The following KIN variants were observed in gnomAD, a reference collection of about 807,000 sequenced individuals.
The protein encoded by KIN is DNA/RNA-binding protein KIN17.
KIN carries 47 observed loss-of-function variants against 63.0 expected under a neutral mutation model. The observed-to-expected ratio is 0.75, with a 90% CI of 0.59 to 0.95. The LOEUF (loss-of-function observed/expected upper bound fraction) is 0.95. Among genes scored for constraint, KIN ranks in the 40% least tolerant of loss-of-function variants. The pLI is 0.00. For missense variants in KIN, 408 were observed against 460.9 expected, an observed-to-expected ratio of 0.89 and a Z score of 1.05; for synonymous variants, 160 against 157.7, an observed-to-expected ratio of 1.01 and a Z score of -0.11.
intron 1 of KIN, among the ~76,000 whole-genome samples, chr10:7,786,428 A>C (rs1564327240): frequency 2.6e-5 from 4 of 152,156 alleles, no homozygotes; most frequent in African/African-American, 9.7e-5. Flanking sequence ...AAATTACTTA[A>C]AGTGTTAAGT....
intron 12 of KIN, among the ~76,000 whole-genome samples, chr10:7,757,670 C>T (rs186523158): frequency 1.1e-3 from 161 of 152,138 alleles, no homozygotes; most frequent in African/African-American, 3.7e-3. Context: ...TACTGCTTCC[C>T]TTCACAACAA....
At position 7,765,875 on chromosome 10, in the gene KIN, T is replaced by C. The variant is rs370638656; in HGVS notation, c.849+178A>G. ...CTATAAGCATGAAGTAACTCTCCAA[T>C]AGAGGTGCAACCAATAATTAATGAT... On this transcript the variant is annotated intron_variant, in intron 9 of 12. Transcript: ENST00000379562. 2.8e-4 allele frequency among the ~76,000 whole-genome samples: 42 copies of C among 152,328 alleles called. 1 individual carries two copies. Among genetic ancestry groups the C allele is most frequent in the East Asian group, 1.9e-3 (10 of 5,192 alleles).
chr10:7,781,763 A>G (rs1835901380), intron 2 of KIN, among the ~76,000 whole-genome samples: 1 of 151,216 alleles, frequency 6.6e-6, no homozygotes, highest in Non-Finnish European at 1.5e-5. Flanking sequence ...AAAAAAAAAA[A>G]AAAAAAAAAA....
At chr10:7,775,594 A>G (rs58508844) in intron 6 of KIN, among the ~76,000 whole-genome samples, 157 bp downstream of exon 6, 287 of 152,294 alleles carry the variant, frequency 1.9e-3, no homozygotes, top group African/African-American at 6.7e-3. Context: ...TATCCAATCA[A>G]TTCATTAGTA....
At chr10:7,768,616 A>G (rs1835601615) in intron 8 of KIN, among the ~76,000 whole-genome samples, 1 of 152,156 alleles carries the variant, frequency 6.6e-6, no homozygotes, top group Non-Finnish European at 1.5e-5. Flanking sequence ...ACAGGAGAGT[A>G]GCAGTTGAAG....
intron 6 of KIN, 139 bp downstream of exon 6, chr10:7,775,612 T>C (rs1384157236): frequency 2.1e-6 from 1 of 475,378 alleles, no homozygotes; most frequent in Non-Finnish European, 3.7e-6. Flanking sequence ...GTATTACCTT[T>C]TCATTAAATT....
At position 7,754,633 on chromosome 10, in the gene KIN, GAAAAAAA is replaced by G. The variant is rs56204215; in HGVS notation, c.*1440_*1446del. The G allele has an allele frequency of 5.7e-5, 7 of 123,684 alleles. No individual in the cohort carries two copies. The highest frequency in any genetic ancestry group is 2.5e-4 in the South Asian group (1 of 3,954). The allele number at this position is 123,684 out of a possible 1,614,324, so 7.7% of individuals were successfully genotyped here. ...GGTGACAGAGTGAGACTCTGTGTCA[GAAAAAAA>G]AAAAAAAAGAAAAAGAAAAGATAGA... On this transcript the variant is annotated 3_prime_UTR_variant, in exon 13 of 13. Coordinates refer to ENST00000379562, the MANE Select transcript of KIN (RefSeq NM_012311.4).
chr10:7,760,380 CAT>C (rs112037520), intron 11 of KIN, among the ~76,000 whole-genome samples: 8,609 of 152,188 alleles, frequency 0.057, 823 homozygotes, highest in African/African-American at 0.2. Flanking sequence ...TTATACCTAA[CAT>C]GTGACTGAGC....
At position 7,762,467 on chromosome 10, in the gene KIN, A is replaced by G; in HGVS notation, c.1008T>C (p.Ile336=). ...KLDQTHLETV[I]PAPGKRILVL... Reference sequence around the variant, plus strand: ...TGCAAACAGATTTACCTGGTGCTGGAATTACTGTCTCTAAATGAGTCTGGT... The same window carrying G: ...TGCAAACAGATTTACCTGGTGCTGGGATTACTGTCTCTAAATGAGTCTGGT... The change falls in exon 11 of 13, where the codon ATT becomes ATC. Residue 336 remains isoleucine (I), a synonymous_variant. Coordinates refer to ENST00000379562, the MANE Select transcript of KIN (RefSeq NM_012311.4). 2 of 1,600,624 alleles carry G rather than the reference A, an allele frequency of 1.2e-6. No individual in the cohort carries two copies. The highest frequency in any genetic ancestry group is 2.2e-5 in the South Asian group (2 of 89,872).
rs1835271162 is a variant in KIN, at chr10:7,753,276, A to G, written c.*2804T>C. The G allele has an allele frequency of 6.6e-6, 1 of 152,226 alleles. No homozygotes were observed. The highest frequency in any genetic ancestry group is 2.4e-5 in the African/African-American group (1 of 41,476). 9.4% of individuals were successfully genotyped at this position (152,226 alleles called of 1,614,324 possible). On this transcript the variant is annotated 3_prime_UTR_variant, in exon 13 of 13. Transcript: ENST00000379562. ...ATGCTGCCTCATTTCATTCTGAAAT[A>G]ATTTCAGAAAGACGTTGGAGAATTA...
intron 1 of KIN, among the ~76,000 whole-genome samples, chr10:7,784,814 C>A (rs549343347): frequency 1.3e-5 from 2 of 152,040 alleles, no homozygotes; most frequent in Non-Finnish European, 2.9e-5. Context: ...AGTATTACCC[C>A]AATACTCACT....
At chr10:7,777,893 C>T (rs549205003) in intron 5 of KIN, among the ~76,000 whole-genome samples, 2 of 139,084 alleles carry the variant, frequency 1.4e-5, no homozygotes, top group African/African-American at 5.9e-5. Context: ...AGTGAGACTC[C>T]GTCCCCCCCC....
chr10:7,787,643 G>A (rs957233811), intron 1 of KIN, among the ~76,000 whole-genome samples, 177 bp downstream of exon 1: 2 of 152,238 alleles, frequency 1.3e-5, no homozygotes, highest in African/African-American at 4.8e-5. Flanking sequence ...CCCGGGGGCT[G>A]CGGGGAGGGA....
At chr10:7,771,204 T>C (rs1835660313) in intron 7 of KIN, among the ~76,000 whole-genome samples, 1 of 152,194 alleles carries the variant, frequency 6.6e-6, no homozygotes, top group African/African-American at 2.4e-5. Flanking sequence ...TACTTTGAAC[T>C]AGGGATCCAG....
chr10:7,770,904 T>C (rs936582119), intron 7 of KIN, among the ~76,000 whole-genome samples: 1 of 152,226 alleles, frequency 6.6e-6, no homozygotes. Flanking sequence ...AAACCCCTAC[T>C]TCTTTTCTCT....
At chr10:7,758,967 A>T (rs1299874766) in intron 12 of KIN, among the ~76,000 whole-genome samples, 1 of 152,134 alleles carries the variant, frequency 6.6e-6, no homozygotes, top group Non-Finnish European at 1.5e-5. Context: ...TGATTTACTG[A>T]AATGAGAATT....
rs1835246823 is a variant in KIN, at chr10:7,751,766, C to G, written c.*4314G>C. The G allele has an allele frequency of 6.6e-6, 1 of 152,104 alleles. No homozygotes were observed. The highest frequency in any genetic ancestry group is 1.5e-5 in the Non-Finnish European group (1 of 68,030). The allele number at this position is 152,104 out of a possible 1,614,324, so 9.4% of individuals were successfully genotyped here. A position where few individuals can be genotyped will look rare whatever the true frequency, so the allele number is the denominator to read the frequency against. On this transcript the variant is annotated 3_prime_UTR_variant, in exon 13 of 13. Coordinates refer to ENST00000379562, the MANE Select transcript of KIN (RefSeq NM_012311.4). ...CAAAAGTGAGATTTTAGCATTAACT[C>G]TGTTATTTGGTTAAAATCTTGAATT...
Position 7,754,307 on chromosome 10 carries a change from G to T in KIN, c.*1773C>A. 1 of 329,044 alleles carries T rather than the reference G, an allele frequency of 3.0e-6. No homozygotes were observed. Among genetic ancestry groups the T allele is most frequent in the Non-Finnish European group, 6.1e-6 (1 of 165,096 alleles). The allele number at this position is 329,044 out of a possible 1,614,324, so 20.4% of individuals were successfully genotyped here. A position where few individuals can be genotyped will look rare whatever the true frequency, so the allele number is the denominator to read the frequency against. ...CCATGATTGTGCCACTGCACTCCAG[G>T]CTGGATGACAGAGCAAGACCCTATC... On this transcript the variant is annotated 3_prime_UTR_variant, in exon 13 of 13. Transcript: ENST00000379562.
chr10:7,781,155 C>T (rs1398829773), intron 2 of KIN, among the ~76,000 whole-genome samples: 3 of 152,104 alleles, frequency 2.0e-5, no homozygotes, highest in South Asian at 2.1e-4. Context: ...TTGAAAGAGT[C>T]ACAGGAGATG....
Sources: gnomAD v4.1 joint callset for allele counts (sites outside exome capture counted in the v4.1 genomes callset) on GRCh38, gnomAD v4.1.1 for gene constraint, MANE v1.5 for transcripts, NCBI Gene and HGNC (gene_info 2026-07-23, HGNC 2026-07-21) for gene names.